Variants in FAM20A observed in about 807,000 individuals in gnomAD.
FAM20A encodes pseudokinase FAM20A.
In FAM20A, 42 loss-of-function variants were observed where a neutral mutation model predicts 52.0. That is an observed-to-expected ratio of 0.81 (90% CI 0.63 to 1.04). FAM20A has a LOEUF of 1.04. Ranked by LOEUF, FAM20A falls within the 50% of genes least tolerant of loss-of-function variation. The probability of loss-of-function intolerance (pLI) is 0.00; values close to 1 mark genes in which losing one functional copy is unlikely to be tolerated. For missense variants in FAM20A, 742 were observed against 712.7 expected, an observed-to-expected ratio of 1.04 and a Z score of -0.47; for synonymous variants, 304 against 298.9, an observed-to-expected ratio of 1.02 and a Z score of -0.18.
chr17:68,589,494 G>A (rs2088244618), intron 1 of FAM20A, among the ~76,000 whole-genome samples: 1 of 152,204 alleles, frequency 6.6e-6, no homozygotes, highest in African/African-American at 2.4e-5. Flanking sequence ...TAGAAGCATT[G>A]TCAAAGTCAT....
rs772611671 is a variant in FAM20A at position 68,537,447 on chromosome 17, G to T, written c.*30C>A. ...CGAGTCGACTGCTCTGGCTCCAGGC[G>T]TATTTTCTGAAACTGGACTCTGCCA... On this transcript the variant is annotated 3_prime_UTR_variant, in exon 11 of 11. Coordinates refer to ENST00000592554, the MANE Select transcript of FAM20A (RefSeq NM_017565.4). This position sits in a 1 kb window ranked among gnomAD's most constrained non-coding sequence, Gnocchi z 4.2. 6.2e-7 allele frequency: 1 copy of T among 1,613,616 alleles called. No individual in the cohort carries two copies. The highest frequency in any genetic ancestry group is 1.3e-5 in the African/African-American group (1 of 74,896).
chr17:68,536,424 T>C lies in FAM20A; in HGVS notation c.*1053A>G, dbSNP rs552238977. The stretch of plus-strand genomic sequence containing the variant: ...CTCCTATTAAAAGGAGTTTCAGATA[T>C]CAACAAGTCAGGGAGAAGGTAGAGG... On this transcript the variant is annotated 3_prime_UTR_variant, in exon 11 of 11. Transcript: ENST00000592554. The C allele has an allele frequency of 3.3e-5, 15 of 454,102 alleles. No individual in the cohort carries two copies. The highest frequency in any genetic ancestry group is 1.6e-4 in the Admixed American group (7 of 42,574). 28.1% of individuals were successfully genotyped at this position (454,102 alleles called of 1,614,324 possible). A position where few individuals can be genotyped will look rare whatever the true frequency, so the allele number is the denominator to read the frequency against.
chr17:68,535,248 CA>C lies in FAM20A; in HGVS notation c.*2228del, dbSNP rs1468616296. ...AATGAGTCTTAATTTTGTTACTAAT[CA>C]AAAAGTAATGGAAGGTTGAAAGATA... is the stretch of plus-strand genomic sequence containing the variant. On this transcript the variant is annotated 3_prime_UTR_variant, in exon 11 of 11. Coordinates refer to ENST00000592554, the MANE Select transcript of FAM20A (RefSeq NM_017565.4). 4.4e-6 allele frequency: 2 copies of C among 450,928 alleles called. No individual in the cohort carries two copies. Among genetic ancestry groups the C allele is most frequent in the Non-Finnish European group, 8.9e-6 (2 of 224,576 alleles). 27.9% of individuals were successfully genotyped at this position (450,928 alleles called of 1,614,324 possible).
At chr17:68,567,135 C>T (rs1055561900) in intron 1 of FAM20A, among the ~76,000 whole-genome samples, 1 of 151,850 alleles carries the variant, frequency 6.6e-6, no homozygotes, top group Admixed American at 6.6e-5. Flanking sequence ...CTCATAAATT[C>T]CACTGCTCAT....
intron 1 of FAM20A, among the ~76,000 whole-genome samples, chr17:68,590,807 C>T (rs2088283233): frequency 6.6e-6 from 1 of 152,176 alleles, no homozygotes; most frequent in Admixed American, 6.5e-5. Context: ...CTCTTCCCCA[C>T]TCTGAGCCAC....
chr17:68,559,004 C>T (rs554576172), intron 1 of FAM20A, among the ~76,000 whole-genome samples: 156 of 152,256 alleles, frequency 1.0e-3, no homozygotes, highest in African/African-American at 3.5e-3. Context: ...GTGATCCGCC[C>T]GCCTTGACCA....
intron 9 of FAM20A, 137 bp from the exon 10 acceptor site, chr17:68,539,533 C>T (rs1321405140): frequency 3.9e-6 from 3 of 772,168 alleles, no homozygotes; most frequent in South Asian, 1.4e-5. Context: ...GCCTCTCCAG[C>T]CCCTCTCCCC....
In FAM20A at chr17:68,555,474, C is replaced by A. The variant is rs891873877; in HGVS notation, c.589+85G>T. On this transcript the variant is annotated intron_variant, in intron 2 of 10. Transcript: ENST00000592554. ...GTGTCCATGTCAAGCCTCTAATGTTCCACTCTGGAGCCTAGCCTGGGATGC... is the reference window on the plus strand; with the variant it reads ...GTGTCCATGTCAAGCCTCTAATGTTACACTCTGGAGCCTAGCCTGGGATGC... 41 of 1,469,696 alleles carry A rather than the reference C, an allele frequency of 2.8e-5. No homozygotes were observed. In the African/African-American group the frequency reaches 5.7e-4, roughly 20 times the overall value. The allele number at this position is 1,469,696 out of a possible 1,614,324, so 91.0% of individuals were successfully genotyped here. A position where few individuals can be genotyped will look rare whatever the true frequency, so the allele number is the denominator to read the frequency against.
Position 68,600,222 on chromosome 17 carries a change from C to G in FAM20A, c.404+41G>C. Reference sequence around the variant, plus strand: ...AGACTGGGGCGCGGGGAGGCCCCGGCCAGAGCGCCCGCTCTCCCGCGTCCC... The same window carrying G: ...AGACTGGGGCGCGGGGAGGCCCCGGGCAGAGCGCCCGCTCTCCCGCGTCCC... On this transcript the variant is annotated intron_variant, in intron 1 of 10. Transcript: ENST00000592554. The surrounding 1 kb of genome is among the most constrained non-coding windows in gnomAD (Gnocchi z 6.2). 1 of 1,545,324 alleles carries G rather than the reference C, an allele frequency of 6.5e-7. No individual in the cohort carries two copies. Among genetic ancestry groups the G allele is most frequent in the Non-Finnish European group, 8.7e-7 (1 of 1,145,192 alleles).
At chr17:68,549,275 G>A (rs1308792570) in intron 4 of FAM20A, among the ~76,000 whole-genome samples, 1 of 152,056 alleles carries the variant, frequency 6.6e-6, no homozygotes, top group African/African-American at 2.4e-5. Context: ...CAGGGGAATC[G>A]CCTGAGGTCA....
chr17:68,600,581 G>C lies in FAM20A; in HGVS notation c.86C>G (p.Pro29Arg). The C allele has an allele frequency of 6.4e-7, 1 of 1,561,332 alleles. No individual in the cohort carries two copies. The highest frequency in any genetic ancestry group is 8.7e-7 in the Non-Finnish European group (1 of 1,154,368). ...AGGCCGCAGCTGGCGCTGTACTTGGGGCCAGAGGTGGAAGTAGAGGTCGGC... is the reference window on the plus strand; with the variant it reads ...AGGCCGCAGCTGGCGCTGTACTTGGCGCCAGAGGTGGAAGTAGAGGTCGGC... Reference protein sequence around the residue: ...LSADLYFHLWPQVQRQLRPRE... With the variant: ...LSADLYFHLWRQVQRQLRPRE... The change falls in exon 1 of 11, where the codon CCC becomes CGC. Residue 29 changes from proline (P) to arginine (R), a missense_variant. Physicochemically the swap from Pro to Arg is moderately radical, Grantham distance 103. Transcript: ENST00000592554. This position sits in a 1 kb window ranked among gnomAD's most constrained non-coding sequence, Gnocchi z 6.2.
intron 1 of FAM20A, among the ~76,000 whole-genome samples, chr17:68,589,320 C>T (rs118136155): frequency 0.016 from 2,463 of 152,264 alleles, 176 homozygotes; most frequent in Admixed American, 0.11. Flanking sequence ...CCAGTAGAGA[C>T]CAGAAGAACC....
chr17:68,580,009 T>TAA (rs145262085), intron 1 of FAM20A, among the ~76,000 whole-genome samples: 26,515 of 152,088 alleles, frequency 0.17, 2,477 homozygotes, highest in East Asian at 0.34. Context: ...ATTAATAGTT[T>TAA]GCATTTGCAT....
At chr17:68,563,777 T>G (rs1211675250) in intron 1 of FAM20A, among the ~76,000 whole-genome samples, 1 of 152,166 alleles carries the variant, frequency 6.6e-6, no homozygotes, top group Non-Finnish European at 1.5e-5. Flanking sequence ...AAGATGTCAG[T>G]CCACTTCAAT....
intron 1 of FAM20A, among the ~76,000 whole-genome samples, chr17:68,556,839 C>G (rs1191291335): frequency 6.6e-6 from 1 of 152,036 alleles, no homozygotes; most frequent in South Asian, 2.1e-4. Flanking sequence ...CTATATATCC[C>G]TGTTTCTCAA....
At position 68,600,572 on chromosome 17, in the gene FAM20A, T is replaced by G. The variant is rs2143966155; in HGVS notation, c.95A>C (p.Gln32Pro). The G allele has an allele frequency of 6.4e-7, 1 of 1,559,356 alleles. No individual in the cohort carries two copies. Among genetic ancestry groups the G allele is most frequent in the East Asian group, 2.4e-5 (1 of 42,060 alleles). The part of the protein sequence containing the change: ...DLYFHLWPQV[Q>P]RQLRPRERPR... ...GCGCTCCCGAGGCCGCAGCTGGCGC[T>G]GTACTTGGGGCCAGAGGTGGAAGTA... Residue 32 changes from glutamine (Q) to proline (P), a missense_variant, in exon 1 of 11, where the codon CAG becomes CCG. Physicochemically the swap from Gln to Pro is moderately conservative, Grantham distance 76. Coordinates refer to ENST00000592554, the MANE Select transcript of FAM20A (RefSeq NM_017565.4). This position sits in a 1 kb window ranked among gnomAD's most constrained non-coding sequence, Gnocchi z 6.2.
At chr17:68,556,568 C>T (rs528882037) in intron 1 of FAM20A, among the ~76,000 whole-genome samples, 15 of 106,222 alleles carry the variant, frequency 1.4e-4, no homozygotes, top group East Asian at 1.2e-3. Context: ...TCCTAAAGAA[C>T]GGGGCAGGGA....
At chr17:68,561,795 A>G (rs1287147658) in intron 1 of FAM20A, among the ~76,000 whole-genome samples, 1 of 151,852 alleles carries the variant, frequency 6.6e-6, no homozygotes, top group Non-Finnish European at 1.5e-5. Context: ...GTAACTTCCC[A>G]GTACATTTCT....
Position 68,551,905 on chromosome 17 carries a change from C to T in FAM20A, c.687G>A (p.Ser229=), listed in dbSNP as rs771821308. 1.2e-5 allele frequency: 19 copies of T among 1,589,656 alleles called. No individual in the cohort carries two copies. The highest frequency in any genetic ancestry group is 6.9e-5 in the South Asian group (6 of 87,322). ...GTTTGAACATGGCCTTCCCGAAATC[C>T]GAGAACCTCAGCACCAGCTTGAGGT... ...GVHLKLVLRF[S]DFGKAMFKPM... is the part of the protein sequence containing the mutation. The change falls in exon 4 of 11, where the codon TCG becomes TCA. Residue 229 remains serine, a synonymous_variant. Transcript: ENST00000592554.
Sources: gnomAD v4.1 joint callset for allele counts (sites outside exome capture counted in the v4.1 genomes callset) on GRCh38, gnomAD v4.1.1 for gene constraint, Gnocchi (gnomAD v3.1) non-coding constraint, MANE v1.5 for transcripts, NCBI Gene and HGNC (gene_info 2026-07-23, HGNC 2026-07-21) for gene names.